ARHGEF28: variants seen among roughly 807,000 people sequenced by gnomAD.
ARHGEF28 encodes Rho guanine nucleotide exchange factor 28.
A neutral mutation model predicts 206.6 loss-of-function variants in ARHGEF28; 152 were observed. That is an observed-to-expected ratio of 0.74 (90% CI 0.64 to 0.84). The LOEUF is 0.84. Among genes scored for constraint, ARHGEF28 ranks in the 40% least tolerant of loss-of-function variants. ARHGEF28 has a pLI of 0.00. For missense variants in ARHGEF28, 2,028 were observed against 2,073.2 expected (o/e 0.98, Z 0.42); for synonymous variants, 763 against 776.4 (o/e 0.98, Z 0.29).
Position 73,801,122 on chromosome 5 carries a change from C to T in ARHGEF28, c.1024+5731C>T, listed in dbSNP as rs553384448. ...ATTATAAAGTAGCACTTGTAAGTCGCCTGTGGAAAAGAACGTTTTGAGATG... is the reference window on the plus strand; with the variant it reads ...ATTATAAAGTAGCACTTGTAAGTCGTCTGTGGAAAAGAACGTTTTGAGATG... On this transcript the variant is annotated intron_variant, in intron 9 of 35. Coordinates refer to ENST00000513042, the MANE Select transcript of ARHGEF28 (RefSeq NM_001177693.2). Among the ~76,000 whole-genome samples the T allele has an allele frequency of 1.6e-3, 251 of 152,254 alleles. 2 individuals carry two copies. The highest frequency in any genetic ancestry group is 0.016 in the Admixed American group (250 of 15,286).
intron 1 of ARHGEF28, among the ~76,000 whole-genome samples, chr5:73,658,047 G>A (rs1303896766): frequency 6.6e-6 from 1 of 151,818 alleles, no homozygotes; most frequent in African/African-American, 2.4e-5. Flanking sequence ...ATGCATTTAA[G>A]TAATTCTGAA....
At chr5:73,860,805 G>A (rs2112618673) in intron 16 of ARHGEF28, among the ~76,000 whole-genome samples, 1 of 152,200 alleles carries the variant, frequency 6.6e-6, no homozygotes, top group Middle Eastern at 3.4e-3. Flanking sequence ...CTCTTCCCAT[G>A]GGCATTTGGT....
rs202212967 is a variant in ARHGEF28 at position 73,777,249 on chromosome 5, C to CT, written c.840+564dup. The stretch of plus-strand genomic sequence containing the variant: ...TTTAAAACATTTCAACTTTATCTCT[C>CT]TTTTTTTTTTTGGTAGACTTTGAAA... On this transcript the variant is annotated intron_variant, in intron 6 of 35. Transcript: ENST00000513042. Among the ~76,000 whole-genome samples, 227 of 147,492 alleles carry CT rather than the reference C, an allele frequency of 1.5e-3. 1 individual carries two copies. Among genetic ancestry groups the CT allele is most frequent in the African/African-American group, 4.2e-3 (171 of 40,396 alleles).
intron 21 of ARHGEF28, among the ~76,000 whole-genome samples, chr5:73,870,570 A>G (rs1760043927): frequency 2.0e-5 from 3 of 152,198 alleles, no homozygotes; most frequent in Admixed American, 2.0e-4. Flanking sequence ...TCTTCTGTGT[A>G]AGAATTGCAG....
rs775361988 is a variant in ARHGEF28, at chr5:73,901,267, T to G, written c.4057T>G (p.Ser1353Ala). The stretch of plus-strand genomic sequence containing the variant: ...GGGTGTGGTAACCGACTTGGCCGTC[T>G]CTGATGCAGGGGAGAAGGTATTGTG... Reference protein sequence around the residue: ...IQGVVTDLAVSDAGEKVECRN... With the variant: ...IQGVVTDLAVADAGEKVECRN... Residue 1353 changes from serine (S) to alanine (A), a missense_variant, in exon 31 of 36, where the codon TCT (serine) becomes GCT (alanine). Ser to Ala is a moderately conservative substitution (Grantham distance 99). This residue lies in a region of ARHGEF28 where 803 missense variants were observed against 768.0 expected (regional missense o/e 1.05). Coordinates refer to ENST00000513042, the MANE Select transcript of ARHGEF28 (RefSeq NM_001177693.2). 1.9e-6 allele frequency: 3 copies of G among 1,613,172 alleles called. No homozygotes were observed. The highest frequency in any genetic ancestry group is 2.5e-6 in the Non-Finnish European group (3 of 1,179,538).
chr5:73,846,687 T>C (rs1251976658), intron 12 of ARHGEF28, among the ~76,000 whole-genome samples: 1 of 152,216 alleles, frequency 6.6e-6, no homozygotes, highest in Non-Finnish European at 1.5e-5. Context: ...CTGATTTACA[T>C]TTTCATTAAT....
At chr5:73,664,844 C>A (rs544539468) in intron 1 of ARHGEF28, among the ~76,000 whole-genome samples, 1 of 152,284 alleles carries the variant, frequency 6.6e-6, no homozygotes, top group South Asian at 2.1e-4. Flanking sequence ...TGTTTTCAAC[C>A]CTTCCTAGAC....
intron 4 of ARHGEF28, among the ~76,000 whole-genome samples, chr5:73,763,148 C>T (rs2112426360): frequency 6.6e-6 from 1 of 152,228 alleles, no homozygotes; most frequent in Non-Finnish European, 1.5e-5. Context: ...TCCTGGTTGA[C>T]TTTTTTCCAA....
chr5:73,687,994 T>C (rs1340448324), intron 2 of ARHGEF28, among the ~76,000 whole-genome samples: 1 of 152,196 alleles, frequency 6.6e-6, no homozygotes, highest in Non-Finnish European at 1.5e-5. Flanking sequence ...GTAATCCTAC[T>C]TAGTTATTTT....
chr5:73,642,925 C>T (rs1028144261), intron 1 of ARHGEF28, among the ~76,000 whole-genome samples: 4 of 152,156 alleles, frequency 2.6e-5, no homozygotes, highest in African/African-American at 9.7e-5. Flanking sequence ...AAACTTCAAA[C>T]TTGTACATTT....
intron 7 of ARHGEF28, among the ~76,000 whole-genome samples, chr5:73,783,345 A>AGT (rs57320048): frequency 0.057 from 8,348 of 145,740 alleles, 277 homozygotes; most frequent in East Asian, 0.071. Context: ...CCTGGAATAT[A>AGT]GTGTGTGTGT....
rs139005157 is a variant in ARHGEF28, at chr5:73,804,468, C to T, written c.1024+9077C>T. ...GTGGATGCAAACATTGTTTTAGCATCGGTTCCACAAACATTTAGTGAATAT... is the reference window on the plus strand; with the variant it reads ...GTGGATGCAAACATTGTTTTAGCATTGGTTCCACAAACATTTAGTGAATAT... On this transcript the variant is annotated intron_variant, in intron 9 of 35. Transcript: ENST00000513042. 1.8e-3 allele frequency among the ~76,000 whole-genome samples: 276 copies of T among 152,282 alleles called. 2 individuals carry two copies. The highest frequency in any genetic ancestry group is 4.9e-3 in the African/African-American group (203 of 41,558).
intron 2 of ARHGEF28, among the ~76,000 whole-genome samples, chr5:73,741,730 A>AT (rs935465940): frequency 7.9e-5 from 12 of 151,868 alleles, no homozygotes; most frequent in Non-Finnish European, 1.8e-4. Flanking sequence ...GTGTGTTTAT[A>AT]TTTTTTGAAT....
intron 1 of ARHGEF28, among the ~76,000 whole-genome samples, chr5:73,641,403 GC>G (rs145555943): frequency 0.18 from 25,985 of 145,472 alleles, 2,607 homozygotes; most frequent in Non-Finnish European, 0.24. Flanking sequence ...CAGGGGAAAG[GC>G]TTTTTTTTTT....
At chr5:73,697,248 G>A (rs750719836) in intron 2 of ARHGEF28, among the ~76,000 whole-genome samples, 1 of 152,194 alleles carries the variant, frequency 6.6e-6, no homozygotes, top group Non-Finnish European at 1.5e-5. Flanking sequence ...GATTATCTGT[G>A]AACGATGTCA....
At chr5:73,789,294 G>A (rs1010147164) in intron 7 of ARHGEF28, among the ~76,000 whole-genome samples, 84 of 152,188 alleles carry the variant, frequency 5.5e-4, no homozygotes, top group African/African-American at 1.9e-3. Context: ...AGTTTCAAAA[G>A]ACTACATATT....
At chr5:73,885,801 T>C in intron 24 of ARHGEF28, 49 bp from the exon 25 acceptor site, 1 of 1,534,834 alleles carries the variant, frequency 6.5e-7, no homozygotes, top group Non-Finnish European at 8.7e-7. Context: ...CTTAGTACTC[T>C]GGTTTATTGT....
chr5:73,700,494 A>T (rs1009045931), intron 2 of ARHGEF28, among the ~76,000 whole-genome samples: 2 of 152,148 alleles, frequency 1.3e-5, no homozygotes, highest in African/African-American at 4.8e-5. Context: ...AGAGGAGAGG[A>T]TGGGGATAGG....
At chr5:73,819,765 C>T (rs928715747) in intron 9 of ARHGEF28, among the ~76,000 whole-genome samples, 7 of 152,144 alleles carry the variant, frequency 4.6e-5, no homozygotes, top group Non-Finnish European at 8.8e-5. Flanking sequence ...GCCTTCCATA[C>T]ATCTCCCTCC....
Sources: gnomAD v4.1 joint callset for allele counts (sites outside exome capture counted in the v4.1 genomes callset) on GRCh38, gnomAD v4.1.1 for gene constraint, gnomAD v4.1.1 regional missense constraint, MANE v1.5 for transcripts, NCBI Gene and HGNC (gene_info 2026-07-23, HGNC 2026-07-21) for gene names.